Variants in GALNTL6 observed in about 807,000 individuals in gnomAD.
GALNTL6 encodes polypeptide N-acetylgalactosaminyltransferase-like 6.
In GALNTL6, 46 loss-of-function variants were observed where a neutral mutation model predicts 73.7. The observed-to-expected ratio is 0.62, with a 90% CI of 0.49 to 0.80. The LOEUF (loss-of-function observed/expected upper bound fraction) is 0.80. Ranked by LOEUF, GALNTL6 falls within the 30% of genes least tolerant of loss-of-function variation. The pLI is 0.00. For synonymous variants in GALNTL6, 259 were observed against 263.7 expected, an observed-to-expected ratio of 0.98 and a Z score of 0.17; for missense variants, 604 against 755.0, an observed-to-expected ratio of 0.80 and a Z score of 2.34.
chr4:172,373,332 C>T (rs990744790), intron 5 of GALNTL6, among the ~76,000 whole-genome samples: 7 of 152,158 alleles, frequency 4.6e-5, no homozygotes, highest in Non-Finnish European at 1.0e-4. Flanking sequence ...TTTGAGAGAG[C>T]AGGGAATAGG....
chr4:172,531,172 G>A (rs74341406), intron 5 of GALNTL6, among the ~76,000 whole-genome samples: 4,395 of 152,236 alleles, frequency 0.029, 89 homozygotes, highest in Non-Finnish European at 0.048. Context: ...TCTGTTTCTC[G>A]GGGAAACTAC....
At chr4:172,598,603 A>G (rs1422476119) in intron 5 of GALNTL6, among the ~76,000 whole-genome samples, 1 of 152,116 alleles carries the variant, frequency 6.6e-6, no homozygotes, top group East Asian at 1.9e-4. Flanking sequence ...TTTGCTCTAC[A>G]AACATTTCTA....
At chr4:172,089,901 T>A (rs898594181) in intron 2 of GALNTL6, among the ~76,000 whole-genome samples, 9 of 152,142 alleles carry the variant, frequency 5.9e-5, no homozygotes, top group Non-Finnish European at 8.8e-5. Context: ...CCGCCCTGTG[T>A]CCATGTGTTC....
rs146080111 is a variant in GALNTL6, at chr4:172,537,248, A to G, written c.553+188559A>G. 2.6e-5 allele frequency among the ~76,000 whole-genome samples: 4 copies of G among 152,342 alleles called. No homozygotes were observed. The East Asian group carries it at 7.7e-4, about 29-fold the overall frequency. On this transcript the variant is annotated intron_variant, in intron 5 of 12. Coordinates refer to ENST00000506823, the MANE Select transcript of GALNTL6 (RefSeq NM_001034845.3). ...ATTTCGGAGGGGCCAGGGTGGAATG[A>G]TACAGTTTGGCTGTGTCCCTACCCA...
chr4:172,140,551 C>G (rs148699716), intron 2 of GALNTL6, among the ~76,000 whole-genome samples: 1 of 152,088 alleles, frequency 6.6e-6, no homozygotes, highest in East Asian at 1.9e-4. Context: ...ATTTTCCACA[C>G]AAGAACATTG....
At position 172,069,393 on chromosome 4, in the gene GALNTL6, GTGTTATATATAACACATATA is replaced by G. The variant is rs1448023648; in HGVS notation, c.139-160246_139-160227del. Among the ~76,000 whole-genome samples the G allele has an allele frequency of 2.1e-5, 2 of 95,904 alleles. 1 individual carries two copies. The highest frequency in any genetic ancestry group is 4.4e-5 in the Non-Finnish European group (2 of 45,330). 62.9% of individuals were successfully genotyped at this position (95,904 alleles called of 152,430 possible). ...TGTATATATATGTGTGTGTACATAT[GTGTTATATATAACACATATA>G]TGTTATATATAACACACATATAACA... On this transcript the variant is annotated intron_variant, in intron 2 of 12. Transcript: ENST00000506823.
At chr4:172,331,485 C>T (rs1053719028) in intron 4 of GALNTL6, among the ~76,000 whole-genome samples, 2 of 152,048 alleles carry the variant, frequency 1.3e-5, no homozygotes, top group African/African-American at 4.8e-5. Flanking sequence ...ATCTCTAGAA[C>T]GTATTGATTT....
In GALNTL6 at chr4:172,831,053, G is replaced by T. The variant is rs11721456; in HGVS notation, c.923+17330G>T. ...ACATGCTTGTAATCTCAGCTACTGA[G>T]GAGGCTGAGGCAAGAGAAAGCTTGA... On this transcript the variant is annotated intron_variant, in intron 7 of 12. Transcript: ENST00000506823. Among the ~76,000 whole-genome samples, 4 of 117,364 alleles carry T rather than the reference G, an allele frequency of 3.4e-5. No individual in the cohort carries two copies. In the South Asian group the frequency reaches 9.8e-4, roughly 29 times the overall value. 77.0% of individuals were successfully genotyped at this position (117,364 alleles called of 152,430 possible). A position where few individuals can be genotyped will look rare whatever the true frequency, so the allele number is the denominator to read the frequency against.
intron 7 of GALNTL6, among the ~76,000 whole-genome samples, chr4:172,853,267 T>C (rs1743936750): frequency 6.6e-6 from 1 of 152,228 alleles, no homozygotes; most frequent in South Asian, 2.1e-4. Context: ...GGGTGTTAGC[T>C]GGTGAGCACC....
chr4:172,489,370 C>G (rs1733816368), intron 5 of GALNTL6, among the ~76,000 whole-genome samples: 1 of 152,026 alleles, frequency 6.6e-6, no homozygotes, highest in Non-Finnish European at 1.5e-5. Flanking sequence ...AATAAGCTTT[C>G]GAACTTTAGA....
intron 5 of GALNTL6, among the ~76,000 whole-genome samples, chr4:172,591,780 A>T (rs1737647140): frequency 6.6e-6 from 1 of 152,164 alleles, no homozygotes; most frequent in South Asian, 2.1e-4. Context: ...AAACAAAGCG[A>T]GTTCAGTCTT....
At chr4:172,589,118 A>G (rs1293817658) in intron 5 of GALNTL6, among the ~76,000 whole-genome samples, 6 of 152,198 alleles carry the variant, frequency 3.9e-5, no homozygotes, top group South Asian at 2.1e-4. Context: ...CATCAGTTCC[A>G]TAATGGGAAA....
intron 2 of GALNTL6, among the ~76,000 whole-genome samples, chr4:172,073,439 T>C (rs1731609307): frequency 6.6e-6 from 1 of 152,080 alleles, no homozygotes; most frequent in African/African-American, 2.4e-5. Flanking sequence ...AAAAATCAAA[T>C]GGTGAAAGAG....
At chr4:172,728,390 T>C (rs905100761) in intron 5 of GALNTL6, among the ~76,000 whole-genome samples, 1 of 152,202 alleles carries the variant, frequency 6.6e-6, no homozygotes, top group Non-Finnish European at 1.5e-5. Context: ...TTTTTGTGTT[T>C]GGCTTATTTC....
intron 5 of GALNTL6, among the ~76,000 whole-genome samples, chr4:172,724,126 TA>T (rs937089764): frequency 1.3e-5 from 2 of 152,112 alleles, no homozygotes; most frequent in African/African-American, 4.8e-5. Flanking sequence ...ACAGAACCCT[TA>T]CTAATTCCCC....
intron 5 of GALNTL6, among the ~76,000 whole-genome samples, chr4:172,755,101 T>C (rs1306821198): frequency 6.6e-6 from 1 of 152,092 alleles, no homozygotes. Flanking sequence ...CAGGTTAACT[T>C]TGAGTCACAG....
chr4:172,977,674 A>C (rs914258570), intron 10 of GALNTL6, among the ~76,000 whole-genome samples: 3 of 152,186 alleles, frequency 2.0e-5, no homozygotes, highest in Admixed American at 1.3e-4. Flanking sequence ...GACTGGCACT[A>C]GGGAGACTCT....
chr4:172,970,812 A>G (rs1248716341), intron 10 of GALNTL6, among the ~76,000 whole-genome samples: 1 of 152,264 alleles, frequency 6.6e-6, no homozygotes, highest in Non-Finnish European at 1.5e-5. Context: ...TTGGGAACTA[A>G]TAAATCTCCA....
chr4:172,146,758 G>A (rs1288507646), intron 2 of GALNTL6, among the ~76,000 whole-genome samples: 1 of 152,160 alleles, frequency 6.6e-6, no homozygotes, highest in Non-Finnish European at 1.5e-5. Context: ...CTGGCAAACT[G>A]TGGGCTCTCA....
Sources: gnomAD v4.1 joint callset for allele counts (sites outside exome capture counted in the v4.1 genomes callset) on GRCh38, gnomAD v4.1.1 for gene constraint, MANE v1.5 for transcripts, NCBI Gene and HGNC (gene_info 2026-07-23, HGNC 2026-07-21) for gene names.